Variants in TMEM177 observed in about 807,000 individuals in gnomAD.
TMEM177 encodes transmembrane protein 177.
Under a neutral mutation model 14.2 loss-of-function variants are expected in TMEM177, and 4 were observed. The observed-to-expected ratio is 0.28, with a 90% CI of 0.14 to 0.64. The LOEUF (loss-of-function observed/expected upper bound fraction) is 0.64, where lower values mean the gene tolerates loss of function less well. Among genes scored for constraint, TMEM177 ranks in the 30% least tolerant of loss-of-function variants. TMEM177 has a pLI of 0.82. For missense variants in TMEM177, 344 were observed against 405.2 expected (o/e 0.85, Z 1.30); for synonymous variants, 179 against 174.5 (o/e 1.03, Z -0.20).
At chr2:119,713,929 T>A in the TMEM177 span, among the ~76,000 whole-genome samples, 15 of 152,334 alleles carry the variant, frequency 9.8e-5, no homozygotes, top group African/African-American at 3.6e-4. Context: ...ATCTCCATTT[T>A]CTATGGACTG....
chr2:119,699,740 A>G, the TMEM177 span: 1 of 184,622 alleles, frequency 5.4e-6, no homozygotes, highest in Non-Finnish European at 1.1e-5. Context: ...ACAATTCAAG[A>G]TGAGATTTGG....
the TMEM177 span, among the ~76,000 whole-genome samples, chr2:119,723,316 C>T: frequency 2.0e-5 from 3 of 152,146 alleles, no homozygotes; most frequent in Admixed American, 6.5e-5. Flanking sequence ...GGGAATACTG[C>T]GGCCTGAAAG....
At chr2:119,685,922 C>T (rs973772609), downstream of TMEM177, 13 of 555,790 alleles carry the variant, frequency 2.3e-5, no homozygotes, top group South Asian at 1.4e-4. Flanking sequence ...GCAGAACTTC[C>T]GAGGAGACCC....
downstream of TMEM177, among the ~76,000 whole-genome samples, chr2:119,690,679 C>T (rs185218823): frequency 4.6e-5 from 7 of 152,318 alleles, no homozygotes; most frequent in East Asian, 1.9e-4. Context: ...TCACATCCTG[C>T]GTGTTTATAG....
At chr2:119,695,016 G>A in the TMEM177 span, among the ~76,000 whole-genome samples, 2 of 152,216 alleles carry the variant, frequency 1.3e-5, no homozygotes, top group Admixed American at 1.3e-4. Context: ...AGGCAGCGCT[G>A]CAAATTTTTA....
chr2:119,690,953 C>T (rs1455894792), downstream of TMEM177, among the ~76,000 whole-genome samples: 3 of 152,248 alleles, frequency 2.0e-5, no homozygotes, highest in Admixed American at 2.0e-4. Context: ...CTCACTTTCC[C>T]AGGTCCCTGG....
the TMEM177 span, among the ~76,000 whole-genome samples, chr2:119,721,131 G>A: frequency 6.6e-6 from 1 of 152,210 alleles, no homozygotes; most frequent in East Asian, 1.9e-4. Context: ...ATGCTGAGAT[G>A]GCTCAGGATT....
the TMEM177 span, among the ~76,000 whole-genome samples, chr2:119,721,877 T>C: frequency 1.3e-5 from 2 of 152,188 alleles, no homozygotes; most frequent in Non-Finnish European, 2.9e-5. Context: ...GCTTATGTCA[T>C]CCTAGACCTA....
the TMEM177 span, among the ~76,000 whole-genome samples, chr2:119,692,733 G>A: frequency 0.026 from 3,991 of 152,220 alleles, 55 homozygotes; most frequent in Non-Finnish European, 0.032. Context: ...AGTACTTTGG[G>A]AGGCCAAGGC....
chr2:119,685,222 C>T (rs1018801100), downstream of TMEM177, among the ~76,000 whole-genome samples: 4 of 130,426 alleles, frequency 3.1e-5, no homozygotes, highest in Admixed American at 7.6e-5. Context: ...GCCCCCCCCC[C>T]CCTTTGCAGG....
At chr2:119,682,122 G>T, downstream of TMEM177, 1 of 188,652 alleles carries the variant, frequency 5.3e-6, no homozygotes, top group Non-Finnish European at 1.0e-5. Flanking sequence ...CCTCCTTCTT[G>T]GTCGTTTTTT....
the TMEM177 span, among the ~76,000 whole-genome samples, chr2:119,723,553 G>A: frequency 6.1e-3 from 923 of 152,222 alleles, 8 homozygotes; most frequent in Non-Finnish European, 0.011. Flanking sequence ...AACATCCAAC[G>A]TGAGAAAAAG....
chr2:119,695,175 G>A, the TMEM177 span, among the ~76,000 whole-genome samples: 1 of 152,206 alleles, frequency 6.6e-6, no homozygotes, highest in Non-Finnish European at 1.5e-5. Context: ...CATTGAAAGA[G>A]CATAAGCTCA....
At chr2:119,696,112 T>C in the TMEM177 span, among the ~76,000 whole-genome samples, 2 of 152,168 alleles carry the variant, frequency 1.3e-5, no homozygotes, top group South Asian at 4.1e-4. Flanking sequence ...CAGACCATCC[T>C]ACAGGGCCTG....
the TMEM177 span, among the ~76,000 whole-genome samples, chr2:119,698,338 GGCTAGAAA>G: frequency 2.7e-4 from 41 of 152,320 alleles, no homozygotes; most frequent in East Asian, 7.5e-3. Context: ...AACAAGAGAA[GGCTAGAAA>G]GTCTTTGGTT....
the TMEM177 span, among the ~76,000 whole-genome samples, chr2:119,716,216 G>A: frequency 2.0e-5 from 3 of 152,160 alleles, no homozygotes; most frequent in Non-Finnish European, 4.4e-5. Context: ...CCAGGAGCCC[G>A]CACTGGAGAC....
the TMEM177 span, among the ~76,000 whole-genome samples, chr2:119,702,967 C>G: frequency 6.6e-5 from 10 of 152,298 alleles, no homozygotes; most frequent in African/African-American, 2.4e-4. Flanking sequence ...TTCCTGTGAC[C>G]GGGCAGGAGC....
the TMEM177 span, among the ~76,000 whole-genome samples, chr2:119,718,278 G>A: frequency 9.8e-4 from 149 of 152,196 alleles, no homozygotes; most frequent in African/African-American, 3.3e-3. Context: ...TCACCATTAC[G>A]CTCATGTATA....
chr2:119,684,097 C>T (rs1305294190), downstream of TMEM177, among the ~76,000 whole-genome samples: 1 of 152,216 alleles, frequency 6.6e-6, no homozygotes, highest in Non-Finnish European at 1.5e-5. Flanking sequence ...TAGAGACATC[C>T]CCATGCTTTC....
Sources: gnomAD v4.1 joint callset for allele counts (sites outside exome capture counted in the v4.1 genomes callset) on GRCh38, gnomAD v4.1.1 for gene constraint, MANE v1.5 for transcripts, NCBI Gene and HGNC (gene_info 2026-07-23, HGNC 2026-07-21) for gene names.